The following AVIL variants were observed in gnomAD, a reference collection of about 807,000 sequenced individuals.
The protein encoded by AVIL is advillin.
Under a neutral mutation model 109.9 loss-of-function variants are expected in AVIL, and 78 were observed. The observed-to-expected ratio is 0.71, with a 90% CI of 0.59 to 0.86. The LOEUF is 0.86. Ranked by LOEUF, AVIL falls within the 40% of genes least tolerant of loss-of-function variation. The pLI is 0.00. For missense variants in AVIL, 892 were observed against 1,016.5 expected, an observed-to-expected ratio of 0.88 and a Z score of 1.67; for synonymous variants, 367 against 379.1, an observed-to-expected ratio of 0.97 and a Z score of 0.37.
chr12:57,816,081 G>C (rs768198501), intron 1 of AVIL, 22 bp from the exon 2 acceptor site: 2 of 1,578,656 alleles, frequency 1.3e-6, no homozygotes, highest in Admixed American at 3.6e-5. Flanking sequence ...CAGAACAAGA[G>C]GGGAGATGAT....
intron 4 of AVIL, among the ~76,000 whole-genome samples, chr12:57,812,821 T>G (rs2140458326): frequency 6.6e-6 from 1 of 151,926 alleles, no homozygotes; most frequent in Non-Finnish European, 1.5e-5. Context: ...GGTGTGCATG[T>G]CCAGTCTCCG....
intron 4 of AVIL, 94 bp from the exon 5 acceptor site, chr12:57,811,221 T>G: frequency 8.5e-7 from 1 of 1,170,316 alleles, no homozygotes; most frequent in Non-Finnish European, 1.2e-6. Context: ...CTCACTCATG[T>G]GATGACAGTA....
At chr12:57,809,249 C>A in intron 9 of AVIL, 1 of 259,596 alleles carries the variant, frequency 3.9e-6, no homozygotes, top group Non-Finnish European at 7.5e-6. Flanking sequence ...ATCCACCTGC[C>A]TCGGCCTCCC....
At position 57,809,873 on chromosome 12, in the gene AVIL, C is replaced by T. The variant is rs1956012560; in HGVS notation, c.779G>A (p.Gly260Glu). Residue 260 changes from glycine (G) to glutamate (E), a missense_variant, in exon 8 of 20, where the codon GGG (glycine) becomes GAG (glutamate). Gly to Glu is a moderately conservative substitution (Grantham distance 98). Transcript: ENST00000549994. The part of the protein sequence containing the change: ...IMLYHISDSA[G>E]QLAVTEVATR... ...TGCTACCTCTGTGACTGCCAGCTGC[C>T]CAGCTGAATCTGAGATACTGGAGAA... 6.2e-7 allele frequency: 1 copy of T among 1,614,020 alleles called. No individual in the cohort carries two copies. Among genetic ancestry groups the T allele is most frequent in the African/African-American group, 1.3e-5 (1 of 74,900 alleles).
intron 9 of AVIL, 70 bp from the exon 10 acceptor site, chr12:57,808,618 T>C (rs1161835502): frequency 1.3e-6 from 2 of 1,559,290 alleles, no homozygotes; most frequent in Non-Finnish European, 8.7e-7. Context: ...TGTCTGGTAA[T>C]TCACCTCTAT....
intron 18 of AVIL, among the ~76,000 whole-genome samples, chr12:57,800,823 G>T (rs1955832079): frequency 6.6e-6 from 1 of 152,120 alleles, no homozygotes; most frequent in Non-Finnish European, 1.5e-5. Flanking sequence ...AGTCAGGCTG[G>T]TCTCAAACTC....
Position 57,808,478 on chromosome 12 carries a change from G to T in AVIL, c.1010C>A (p.Ala337Asp). Residue 337 changes from alanine (A) to aspartate (D), a missense_variant, in exon 10 of 20, where the codon GCC becomes GAC. Physicochemically the swap from Ala to Asp is moderately radical, Grantham distance 126. Transcript: ENST00000549994. Reference sequence around the variant, plus strand: ...CTTCTGGAACAGCTGCTTGAACATGGCCGACTCAGCACCATCGTTGACGGT... The same window carrying T: ...CTTCTGGAACAGCTGCTTGAACATGTCCGACTCAGCACCATCGTTGACGGT... ...VETVNDGAES[A>D]MFKQLFQKWS... 1 of 1,614,152 alleles carries T rather than the reference G, an allele frequency of 6.2e-7. No individual in the cohort carries two copies. The highest frequency in any genetic ancestry group is 8.5e-7 in the Non-Finnish European group (1 of 1,180,040).
intron 13 of AVIL, 131 bp downstream of exon 13, chr12:57,807,200 C>T: frequency 1.5e-6 from 2 of 1,341,616 alleles, no homozygotes; most frequent in Non-Finnish European, 1.0e-6. Flanking sequence ...AGGGATTAAC[C>T]CCCTTCTTCC....
At chr12:57,818,182 C>CTTTTTTTGTTTTTTTTT (rs1956120143) in intron 1 of AVIL, among the ~76,000 whole-genome samples, 1 of 35,256 alleles carries the variant, frequency 2.8e-5, no homozygotes, top group East Asian at 1.8e-3. Flanking sequence ...CCATGCTTGG[C>CTTTTTTTGTTTTTTTTT]TTTTTTTTTT....
chr12:57,809,570 A>G (rs944215326), intron 9 of AVIL, 27 bp downstream of exon 9: 2 of 1,611,806 alleles, frequency 1.2e-6, no homozygotes, highest in Non-Finnish European at 1.7e-6. Flanking sequence ...AATTATTTGA[A>G]CAGTATTGCA....
chr12:57,815,350 C>T (rs982080426), intron 2 of AVIL, among the ~76,000 whole-genome samples: 8 of 152,244 alleles, frequency 5.3e-5, no homozygotes, highest in African/African-American at 1.9e-4. Flanking sequence ...CTGACTCCCC[C>T]TCCTGGTTGA....
intron 1 of AVIL, among the ~76,000 whole-genome samples, chr12:57,816,870 CTGGCCTGCGGACAGA>C (rs2140463756): frequency 6.6e-6 from 1 of 152,198 alleles, no homozygotes; most frequent in South Asian, 2.1e-4. Flanking sequence ...GTGGCCTGGT[CTGGCCTGCGGACAGA>C]TGGCTTCCTT....
At chr12:57,817,857 TGG>T (rs1956116186) in intron 1 of AVIL, among the ~76,000 whole-genome samples, 1 of 152,208 alleles carries the variant, frequency 6.6e-6, no homozygotes, top group Non-Finnish European at 1.5e-5. Context: ...CTCCCAAAGC[TGG>T]GTCTCTCCTT....
intron 18 of AVIL, 63 bp downstream of exon 18, chr12:57,801,081 T>C (rs1955837412): frequency 7.2e-7 from 1 of 1,384,388 alleles, no homozygotes; most frequent in Admixed American, 1.7e-5. Context: ...CTGTAGCATT[T>C]GTGTGTTCTC....
chr12:57,801,133 A>G lies in AVIL; in HGVS notation c.2220+11T>C. On this transcript the variant is annotated intron_variant, in intron 18 of 19. Coordinates refer to ENST00000549994, the MANE Select transcript of AVIL (RefSeq NM_006576.4). ...TGTGGCTGGCTTCTCCCAAGAGCGA[A>G]CCCGACTCACAGCAGTGATTCGCAT... The G allele has an allele frequency of 6.2e-7, 1 of 1,612,862 alleles. No individual in the cohort carries two copies. Among genetic ancestry groups the G allele is most frequent in the Non-Finnish European group, 8.5e-7 (1 of 1,179,500 alleles).
Position 57,801,213 on chromosome 12 carries a change from C to G in AVIL, c.2152-1G>C, listed in dbSNP as rs1676923294. ...TTAATTGTTCATATGTTTTTCCTGC[C>G]TGAGAAGAAGAGAGAGAAAACACAG... On this transcript the variant is annotated splice_acceptor_variant, in intron 17 of 19. Transcript: ENST00000549994. LOFTEE classifies it high-confidence loss of function. 6.2e-7 allele frequency: 1 copy of G among 1,612,804 alleles called. No homozygotes were observed. The highest frequency in any genetic ancestry group is 8.5e-7 in the Non-Finnish European group (1 of 1,179,414).
At chr12:57,812,352 G>A (rs1956048850) in intron 4 of AVIL, among the ~76,000 whole-genome samples, 1 of 151,008 alleles carries the variant, frequency 6.6e-6, no homozygotes, top group Admixed American at 6.6e-5. Flanking sequence ...TGTTTTGTGT[G>A]CATGTTTTTG....
At chr12:57,805,348 C>T (rs745665870) in intron 14 of AVIL, among the ~76,000 whole-genome samples, 5 of 151,940 alleles carry the variant, frequency 3.3e-5, no homozygotes, top group African/African-American at 4.8e-5. Context: ...TGAGCCACCG[C>T]GCCCGGCCTT....
At chr12:57,816,174 A>C in intron 1 of AVIL, 115 bp from the exon 2 acceptor site, 1 of 795,242 alleles carries the variant, frequency 1.3e-6, no homozygotes, top group Non-Finnish European at 2.0e-6. Flanking sequence ...CCACACCCTC[A>C]TGGTGCATCC....
Sources: gnomAD v4.1 joint callset for allele counts (sites outside exome capture counted in the v4.1 genomes callset) on GRCh38, gnomAD v4.1.1 for gene constraint, MANE v1.5 for transcripts, NCBI Gene and HGNC (gene_info 2026-07-23, HGNC 2026-07-21) for gene names.